The following MAP7D3 variants were observed in gnomAD, a reference collection of about 807,000 sequenced individuals.
MAP7D3 encodes MAP7 domain containing 3.
Under a neutral mutation model 62.2 loss-of-function variants are expected in MAP7D3, and 45 were observed. The ratio of observed to expected loss-of-function variants is 0.72; its 90% CI spans 0.57 to 0.93. MAP7D3 has a LOEUF of 0.93. Among genes scored for constraint, MAP7D3 ranks in the 40% least tolerant of loss-of-function variants. The pLI, the probability that MAP7D3 is intolerant of heterozygous loss-of-function variation, is 0.00. For missense variants in MAP7D3, 711 were observed against 683.1 expected (o/e 1.04, Z -0.45); for synonymous variants, 288 against 248.8 (o/e 1.16, Z -1.48).
At chrX:136,255,019 C>A (rs369978711), upstream of MAP7D3, among the ~76,000 whole-genome samples, 5 of 112,020 alleles carry the variant, frequency 4.5e-5, no homozygotes, top group African/African-American at 1.6e-4. Context: ...ATTCCCAGAC[C>A]AGCCTGGCCA....
intron 17 of MAP7D3, 48 bp from the exon 18 acceptor site, chrX:136,219,543 A>G (rs773630026): frequency 8.6e-7 from 1 of 1,164,182 alleles, no homozygotes; most frequent in African/African-American, 1.8e-5. Context: ...GACTTAAACA[A>G]TGTTGGTGAT....
downstream of MAP7D3, chrX:136,214,419 C>T (rs113094571): frequency 3.1e-3 from 342 of 112,029 alleles, 4 homozygotes; most frequent in Non-Finnish European, 5.4e-3. Context: ...TCCGCCTCCA[C>T]GCTCTGGCTC....
At chrX:136,250,946 G>T (rs931491073) in intron 1 of MAP7D3, among the ~76,000 whole-genome samples, 1 of 111,505 alleles carries the variant, frequency 9.0e-6, no homozygotes, top group Non-Finnish European at 1.9e-5. Flanking sequence ...GGCGGTCCGC[G>T]GGGTCCGGCT....
upstream of MAP7D3, among the ~76,000 whole-genome samples, chrX:136,255,404 G>A (rs774645687): frequency 8.9e-6 from 1 of 112,102 alleles, no homozygotes; most frequent in East Asian, 2.8e-4. Flanking sequence ...ATCATTGGTA[G>A]ATTACTGTGA....
At chrX:136,256,369 G>A (rs1478761238), upstream of MAP7D3, 8 of 1,134,271 alleles carry the variant, frequency 7.1e-6, no homozygotes, top group Non-Finnish European at 7.0e-6. Flanking sequence ...TCCCACTGCA[G>A]CACTGCTCCC....
rs1350287125 is a variant in MAP7D3, at chrX:136,231,656, G to A, written c.1301C>T (p.Pro434Leu). 1 of 1,205,544 alleles carries A rather than the reference G, an allele frequency of 8.3e-7. No individual in the cohort carries two copies. The highest frequency in any genetic ancestry group is 3.0e-5 in the East Asian group (1 of 33,766). The change falls in exon 8 of 19, where the codon CCC becomes CTC. Residue 434 changes from proline to leucine, a missense_variant. Pro to Leu is a moderately conservative substitution (Grantham distance 98). Coordinates refer to ENST00000316077, the MANE Select transcript of MAP7D3 (RefSeq NM_024597.4). The part of the protein sequence containing the change: ...VAPKESVKGS[P>L]KESMEASPEA... The stretch of plus-strand genomic sequence containing the variant: ...AGGAGATGCCTCCATGCTCTCCTTG[G>A]GTGACCCTTTCACACTCTCCTTGGG...
At chrX:136,227,867 C>T (rs1017083141) in intron 11 of MAP7D3, among the ~76,000 whole-genome samples, 14 of 111,273 alleles carry the variant, frequency 1.3e-4, no homozygotes, top group Non-Finnish European at 2.3e-4. Flanking sequence ...TTATATGAAG[C>T]GATGAATAAT....
In MAP7D3 at chrX:136,228,927, G is replaced by A. The variant is rs2074230314; in HGVS notation, c.1751-169C>T. ...TTATCTAACAGATTTTGTTCAAACTGCACCCCCAACAACAGCAGAAGCATT... is the reference window on the plus strand; with the variant it reads ...TTATCTAACAGATTTTGTTCAAACTACACCCCCAACAACAGCAGAAGCATT... On this transcript the variant is annotated intron_variant, in intron 10 of 18. Coordinates refer to ENST00000316077, the MANE Select transcript of MAP7D3 (RefSeq NM_024597.4). 4 of 310,543 alleles carry A rather than the reference G, an allele frequency of 1.3e-5. No individual in the cohort carries two copies. The East Asian group carries it at 1.6e-4, about 12-fold the overall frequency. 25.6% of individuals were successfully genotyped at this position (310,543 alleles called of 1,213,427 possible). A position where few individuals can be genotyped will look rare whatever the true frequency, so the allele number is the denominator to read the frequency against.
chrX:136,244,701 T>C lies in MAP7D3; in HGVS notation c.348A>G (p.Arg116=). The change falls in exon 4 of 19, where the codon CGA becomes CGG. Residue 116 remains arginine, a synonymous_variant. Coordinates refer to ENST00000316077, the MANE Select transcript of MAP7D3 (RefSeq NM_024597.4). ...TTCTCCGTTGTTCTTCTTTCTCTTT[T>C]CGCTCCTTCAGCTTTCTCTGTCTTT... ...MEERQRKLKE[R]KEKEEQRRIA... 1 of 1,208,711 alleles carries C rather than the reference T, an allele frequency of 8.3e-7. No homozygotes were observed. The highest frequency in any genetic ancestry group is 1.8e-5 in the South Asian group (1 of 56,861).
At position 136,231,860 on chromosome X, in the gene MAP7D3, A is replaced by G; in HGVS notation, c.1097T>C (p.Ile366Thr). The G allele has an allele frequency of 8.3e-7, 1 of 1,211,308 alleles. No individual in the cohort carries two copies. The highest frequency in any genetic ancestry group is 2.3e-4 in the Middle Eastern group (1 of 4,352). ...MSMDASPELS[I>T]EALPKVDLET... ...CAGGTCCACCTTCGGGAGTGCTTCTATGCTCAACTCGGGGGATGCGTCCAT... is the reference window on the plus strand; with the variant it reads ...CAGGTCCACCTTCGGGAGTGCTTCTGTGCTCAACTCGGGGGATGCGTCCAT... Residue 366 changes from isoleucine (I) to threonine (T), a missense_variant, in exon 8 of 19, where the codon ATA (isoleucine) becomes ACA (threonine). Ile to Thr is a moderately conservative substitution (Grantham distance 89). Transcript: ENST00000316077.
rs1426675595 is a variant in MAP7D3 at position 136,251,381 on chromosome X, G to A, written c.-23C>T. On this transcript the variant is annotated 5_prime_UTR_variant, in exon 1 of 19. Coordinates refer to ENST00000316077, the MANE Select transcript of MAP7D3 (RefSeq NM_024597.4). ...CATCGGAGTCGGGACCGGAGGCGGT[G>A]GTGGCTCTCCGCATACATTGCGCAG... The A allele has an allele frequency of 1.8e-6, 2 of 1,102,556 alleles. No homozygotes were observed. The highest frequency in any genetic ancestry group is 2.4e-6 in the Non-Finnish European group (2 of 846,959). 90.9% of individuals were successfully genotyped at this position (1,102,556 alleles called of 1,213,427 possible).
intron 1 of MAP7D3, among the ~76,000 whole-genome samples, chrX:136,250,040 A>T (rs2074487574): frequency 8.9e-6 from 1 of 112,225 alleles, no homozygotes; most frequent in Admixed American, 9.5e-5. Context: ...CACTGAAATA[A>T]ACCAGTGCCT....
At chrX:136,243,626 C>T (rs886104661) in intron 4 of MAP7D3, among the ~76,000 whole-genome samples, 1 of 109,362 alleles carries the variant, frequency 9.1e-6, no homozygotes, top group Non-Finnish European at 1.9e-5. Flanking sequence ...TTGCTTGAAC[C>T]GGGGGGGCAG....
chrX:136,251,377 CGGT>C lies in MAP7D3; in HGVS notation c.-22_-20del. Reference sequence around the variant, plus strand: ...CCATCATCGGAGTCGGGACCGGAGGCGGTGGTGGCTCTCCGCATACATTGCGCA... The same window carrying C: ...CCATCATCGGAGTCGGGACCGGAGGCGGTGGCTCTCCGCATACATTGCGCA... On this transcript the variant is annotated 5_prime_UTR_variant, in exon 1 of 19. Coordinates refer to ENST00000316077, the MANE Select transcript of MAP7D3 (RefSeq NM_024597.4). 9.6e-7 allele frequency: 1 copy of C among 1,041,857 alleles called. No individual in the cohort carries two copies. The highest frequency in any genetic ancestry group is 2.0e-5 in the African/African-American group (1 of 49,858). The allele number at this position is 1,041,857 out of a possible 1,213,427, so 85.9% of individuals were successfully genotyped here.
chrX:136,254,436 A>C (rs1182676154), upstream of MAP7D3, among the ~76,000 whole-genome samples: 1 of 111,062 alleles, frequency 9.0e-6, no homozygotes, highest in Non-Finnish European at 1.9e-5. Context: ...AAACACTGTC[A>C]CTTTGAAAAA....
At chrX:136,242,804 T>C (rs2074403864) in intron 4 of MAP7D3, among the ~76,000 whole-genome samples, 1 of 112,243 alleles carries the variant, frequency 8.9e-6, no homozygotes, top group Non-Finnish European at 1.9e-5. Flanking sequence ...TTCTTGGTTC[T>C]TTCTTCGTTT....
rs780033854 is a variant in MAP7D3 at position 136,231,651 on chromosome X, C to CAAGGGATGT, written c.1305_1306insACATCCCTT (p.Lys435_Glu436insThrSerLeu). On this transcript the variant is annotated inframe_insertion, in exon 8 of 19. Transcript: ENST00000316077. ...GCCTCAGGAGATGCCTCCATGCTCT[C>CAAGGGATGT]CTTGGGTGACCCTTTCACACTCTCC... 11 of 1,210,726 alleles carry CAAGGGATGT rather than the reference C, an allele frequency of 9.1e-6. No individual in the cohort carries two copies. Among genetic ancestry groups the CAAGGGATGT allele is most frequent in the Non-Finnish European group, 1.2e-5 (11 of 895,149 alleles).
chrX:136,228,113 A>G (rs1039559136), intron 11 of MAP7D3, among the ~76,000 whole-genome samples: 1 of 112,207 alleles, frequency 8.9e-6, no homozygotes, highest in African/African-American at 3.2e-5. Context: ...TTGAATGCAC[A>G]CAACTGTACA....
chrX:136,230,300 G>A, intron 10 of MAP7D3, 85 bp downstream of exon 10: 1 of 547,292 alleles, frequency 1.8e-6, no homozygotes, highest in Non-Finnish European at 3.1e-6. Context: ...TCTCTCAATT[G>A]GGGAATAAAA....
Sources: allele counts gnomAD v4.1 joint callset (sites outside exome capture counted in the v4.1 genomes callset), GRCh38; gene constraint gnomAD v4.1.1; transcripts MANE v1.5; gene names NCBI Gene and HGNC (gene_info 2026-07-23, HGNC 2026-07-21).